The following AMPH variants were observed in gnomAD, a reference collection of about 807,000 sequenced individuals.
The protein encoded by AMPH is amphiphysin.
AMPH carries 49 observed loss-of-function variants against 99.1 expected under a neutral mutation model. The observed-to-expected ratio is 0.49, with a 90% CI of 0.39 to 0.63. AMPH has a LOEUF of 0.63. Ranked by LOEUF, AMPH falls within the 20% of genes least tolerant of loss-of-function variation. The pLI is 0.00. For synonymous variants in AMPH, 314 were observed against 317.3 expected (o/e 0.99, Z 0.11); for missense variants, 759 against 863.4 (o/e 0.88, Z 1.52).
At chr7:38,408,271 T>C (rs898782051) in intron 17 of AMPH, among the ~76,000 whole-genome samples, 4 of 152,204 alleles carry the variant, frequency 2.6e-5, no homozygotes, top group African/African-American at 9.6e-5. Flanking sequence ...TGTATTCTTA[T>C]AAACAGTTGA....
At chr7:38,388,837 T>C (rs1427244033) in intron 20 of AMPH, among the ~76,000 whole-genome samples, 1 of 151,978 alleles carries the variant, frequency 6.6e-6, no homozygotes, top group East Asian at 1.9e-4. Flanking sequence ...AGAGATGAGG[T>C]CTTGCTATGT....
chr7:38,588,706 G>GA (rs1037691277), intron 1 of AMPH, among the ~76,000 whole-genome samples: 41 of 149,428 alleles, frequency 2.7e-4, no homozygotes, highest in African/African-American at 6.6e-4. Flanking sequence ...GTATTTATTA[G>GA]AAAAAAAAAG....
intron 17 of AMPH, among the ~76,000 whole-genome samples, chr7:38,416,432 C>A (rs1785389116): frequency 6.6e-6 from 1 of 152,078 alleles, no homozygotes; most frequent in African/African-American, 2.4e-5. Context: ...GGCATAAAAT[C>A]AATGAACTAG....
intron 11 of AMPH, among the ~76,000 whole-genome samples, chr7:38,457,414 A>G (rs913786270): frequency 2.6e-5 from 4 of 152,252 alleles, no homozygotes; most frequent in Admixed American, 6.5e-5. Context: ...TGACTGAAAT[A>G]CAAAACACAT....
intron 13 of AMPH, among the ~76,000 whole-genome samples, chr7:38,430,660 A>C (rs1330292143): frequency 2.0e-5 from 3 of 152,266 alleles, no homozygotes; most frequent in Non-Finnish European, 2.9e-5. Context: ...ATCTCCAAGG[A>C]AATTAACACA....
chr7:38,601,224 G>C (rs1428357919), intron 1 of AMPH, among the ~76,000 whole-genome samples: 1 of 152,182 alleles, frequency 6.6e-6, no homozygotes, highest in African/African-American at 2.4e-5. Flanking sequence ...AGCCACCATG[G>C]CTGGCCCTTC....
At chr7:38,439,904 C>A (rs750293925) in intron 11 of AMPH, among the ~76,000 whole-genome samples, 4 of 152,164 alleles carry the variant, frequency 2.6e-5, no homozygotes, top group Non-Finnish European at 5.9e-5. Context: ...AGCCTTGCCA[C>A]GGCTTCGTGA....
chr7:38,610,248 A>AG (rs1562859868), intron 1 of AMPH, among the ~76,000 whole-genome samples: 10 of 14,426 alleles, frequency 6.9e-4, no homozygotes, highest in Non-Finnish European at 1.6e-3. Context: ...AAAAAAAAAA[A>AG]AAAAAAAAAA....
At chr7:38,605,587 T>G (rs1793405848) in intron 1 of AMPH, among the ~76,000 whole-genome samples, 1 of 150,162 alleles carries the variant, frequency 6.7e-6, no homozygotes, top group Non-Finnish European at 1.5e-5. Context: ...CTTTTTTTCT[T>G]TTTCTTGAAA....
chr7:38,608,445 C>A (rs1345661989), intron 1 of AMPH, among the ~76,000 whole-genome samples: 1 of 152,166 alleles, frequency 6.6e-6, no homozygotes, highest in Non-Finnish European at 1.5e-5. Context: ...CCTTCTTCCA[C>A]CTTTTTTCAC....
At chr7:38,465,299 G>T (rs1290920253) in intron 9 of AMPH, among the ~76,000 whole-genome samples, 168 bp downstream of exon 9, 1 of 152,144 alleles carries the variant, frequency 6.6e-6, no homozygotes, top group African/African-American at 2.4e-5. Flanking sequence ...GTCACTGAAG[G>T]CCAGACATAA....
intron 1 of AMPH, among the ~76,000 whole-genome samples, chr7:38,566,605 C>G (rs914058970): frequency 6.6e-6 from 1 of 152,096 alleles, no homozygotes; most frequent in Non-Finnish European, 1.5e-5. Flanking sequence ...TCAGAGTGAA[C>G]AGGCAACCTA....
intron 11 of AMPH, among the ~76,000 whole-genome samples, chr7:38,458,401 A>C (rs911266358): frequency 1.3e-5 from 2 of 152,098 alleles, no homozygotes; most frequent in African/African-American, 4.8e-5. Context: ...CAAAAACACC[A>C]ACAACAAAAA....
intron 1 of AMPH, among the ~76,000 whole-genome samples, chr7:38,577,313 TAGG>T (rs1354360720): frequency 2.6e-5 from 4 of 152,292 alleles, no homozygotes; most frequent in African/African-American, 9.6e-5. Flanking sequence ...TCTTCATCCC[TAGG>T]CTGTAGTTCC....
At chr7:38,513,112 T>C (rs1455059533) in intron 2 of AMPH, among the ~76,000 whole-genome samples, 2 of 152,236 alleles carry the variant, frequency 1.3e-5, no homozygotes, top group Non-Finnish European at 2.9e-5. Flanking sequence ...TTGGCAATCA[T>C]AGCCGTTTAT....
At chr7:38,419,076 T>C (rs1161881350) in intron 16 of AMPH, among the ~76,000 whole-genome samples, 18 of 151,944 alleles carry the variant, frequency 1.2e-4, no homozygotes, top group Admixed American at 1.2e-3. Flanking sequence ...ACCAGAACAC[T>C]TAAACTAAAA....
intron 1 of AMPH, among the ~76,000 whole-genome samples, chr7:38,581,667 G>C (rs1032213586): frequency 6.6e-6 from 1 of 152,154 alleles, no homozygotes; most frequent in African/African-American, 2.4e-5. Flanking sequence ...GACAAGGGAC[G>C]GTTAAGAGGC....
In AMPH at chr7:38,394,042, T is replaced by C. The variant is rs769006294; in HGVS notation, c.1571A>G (p.Gln524Arg). The C allele has an allele frequency of 6.2e-7, 1 of 1,614,218 alleles. No homozygotes were observed. Among genetic ancestry groups the C allele is most frequent in the Non-Finnish European group, 8.5e-7 (1 of 1,180,038 alleles). The stretch of plus-strand genomic sequence containing the variant: ...TGCTTCGAGCTCCTCTGCTTCAGGT[T>C]GGGCACTCTCTGCACCCTCAGTGGT... ...TETTEGAESA[Q>R]PEAEELEATV... The change falls in exon 18 of 21, where the codon CAA becomes CGA. Residue 524 changes from glutamine to arginine, a missense_variant. Physicochemically the swap from Gln to Arg is conservative, Grantham distance 43. Coordinates refer to ENST00000356264, the MANE Select transcript of AMPH (RefSeq NM_001635.4).
At chr7:38,502,837 T>C (rs1789190635) in intron 3 of AMPH, among the ~76,000 whole-genome samples, 2 of 152,196 alleles carry the variant, frequency 1.3e-5, no homozygotes, top group South Asian at 4.1e-4. Flanking sequence ...TATTTACATC[T>C]TTACTATATC....
Sources: allele counts gnomAD v4.1 joint callset (sites outside exome capture counted in the v4.1 genomes callset), GRCh38; gene constraint gnomAD v4.1.1; transcripts MANE v1.5; gene names NCBI Gene and HGNC (gene_info 2026-07-23, HGNC 2026-07-21).